The following CIMIP6 variants were observed in gnomAD, a reference collection of about 807,000 sequenced individuals.
The protein encoded by CIMIP6 is ciliary microtubule inner protein 6.
the CIMIP6 span, among the ~76,000 whole-genome samples, chr2:54,344,258 T>C: frequency 1.3e-5 from 2 of 152,172 alleles, no homozygotes; most frequent in Non-Finnish European, 1.5e-5. Flanking sequence ...AGAAAGATAA[T>C]AAAGTTTCCA....
At chr2:54,348,852 A>G in the CIMIP6 span, among the ~76,000 whole-genome samples, 1 of 152,184 alleles carries the variant, frequency 6.6e-6, no homozygotes, top group Admixed American at 6.5e-5. Flanking sequence ...CATTTCAGCA[A>G]TGTTATCTTG....
chr2:54,356,680 T>C, the CIMIP6 span, among the ~76,000 whole-genome samples: 1 of 152,202 alleles, frequency 6.6e-6, no homozygotes, highest in Non-Finnish European at 1.5e-5. Flanking sequence ...ACACTGCCCT[T>C]AATTTTCACA....
the CIMIP6 span, among the ~76,000 whole-genome samples, chr2:54,366,744 A>G: frequency 6.6e-6 from 1 of 151,654 alleles, no homozygotes; most frequent in South Asian, 2.1e-4. Flanking sequence ...AAAAATACTG[A>G]AAGTAATAAT....
At chr2:54,359,176 A>T in the CIMIP6 span, 1 of 705,044 alleles carries the variant, frequency 1.4e-6, no homozygotes, top group Non-Finnish European at 2.4e-6. Context: ...ATTTAAACAA[A>T]CTACTTCAGT....
the CIMIP6 span, chr2:54,330,885 C>A: frequency 2.2e-5 from 28 of 1,297,666 alleles, no homozygotes; most frequent in Admixed American, 4.8e-4. Context: ...GCGCGAGTCA[C>A]AGTCGCCGCG....
At chr2:54,335,151 T>G in the CIMIP6 span, 4 of 703,324 alleles carry the variant, frequency 5.7e-6, no homozygotes, top group Non-Finnish European at 2.3e-6. Context: ...ATCCAATAGT[T>G]AAAAGCAGTA....
chr2:54,379,258 C>T, the CIMIP6 span, among the ~76,000 whole-genome samples: 1 of 152,338 alleles, frequency 6.6e-6, no homozygotes, highest in African/African-American at 2.4e-5. Context: ...CTGCCCCTAA[C>T]AATGCCTCCT....
chr2:54,346,833 G>A, the CIMIP6 span, among the ~76,000 whole-genome samples: 1 of 152,164 alleles, frequency 6.6e-6, no homozygotes, highest in East Asian at 1.9e-4. Context: ...AAACACATGT[G>A]ATATTCTCCT....
chr2:54,356,213 C>T, the CIMIP6 span, among the ~76,000 whole-genome samples: 1 of 151,174 alleles, frequency 6.6e-6, no homozygotes, highest in Admixed American at 6.6e-5. Context: ...CCAGCATTGA[C>T]GGTTGCTGGG....
At chr2:54,373,826 C>G in the CIMIP6 span, among the ~76,000 whole-genome samples, 1 of 152,190 alleles carries the variant, frequency 6.6e-6, no homozygotes, top group Non-Finnish European at 1.5e-5. Flanking sequence ...TGTGCTGCTT[C>G]CAGCCCTCCC....
the CIMIP6 span, chr2:54,334,927 G>A: frequency 6.3e-7 from 1 of 1,593,300 alleles, no homozygotes; most frequent in Non-Finnish European, 8.6e-7. Context: ...CATGTTGGAA[G>A]AGGACGTATA....
At chr2:54,359,753 C>T in the CIMIP6 span, among the ~76,000 whole-genome samples, 1 of 152,068 alleles carries the variant, frequency 6.6e-6, no homozygotes, top group Admixed American at 6.5e-5. Flanking sequence ...TTTTTTCCAA[C>T]TATAGATGTT....
At chr2:54,355,797 AC>A in the CIMIP6 span, among the ~76,000 whole-genome samples, 1 of 152,224 alleles carries the variant, frequency 6.6e-6, no homozygotes, top group South Asian at 2.1e-4. Context: ...GTTCGTATTA[AC>A]AATACTTTGT....
the CIMIP6 span, among the ~76,000 whole-genome samples, chr2:54,374,708 TC>T: frequency 8.2e-4 from 125 of 152,346 alleles, 1 homozygote; most frequent in Middle Eastern, 0.037. Flanking sequence ...TTAACAGATT[TC>T]TAATTCTCTT....
chr2:54,370,968 CCTT>C, the CIMIP6 span, among the ~76,000 whole-genome samples: 1 of 152,174 alleles, frequency 6.6e-6, no homozygotes, highest in Non-Finnish European at 1.5e-5. Context: ...TCTGGTTGCT[CCTT>C]GTTTTCTGAA....
At chr2:54,331,056 T>C in the CIMIP6 span, 1 of 1,568,866 alleles carries the variant, frequency 6.4e-7, no homozygotes, top group Non-Finnish European at 8.8e-7. Context: ...TTTTCCTCCT[T>C]CAGGGGGAGG....
At chr2:54,380,165 A>C in the CIMIP6 span, among the ~76,000 whole-genome samples, 1 of 152,094 alleles carries the variant, frequency 6.6e-6, no homozygotes, top group African/African-American at 2.4e-5. Context: ...ATAAAAAAGA[A>C]GGAAGGAAAA....
chr2:54,342,090 C>T, the CIMIP6 span, among the ~76,000 whole-genome samples: 9 of 152,284 alleles, frequency 5.9e-5, no homozygotes, highest in East Asian at 1.7e-3. Flanking sequence ...GAAATTACCC[C>T]AGTTACAATT....
the CIMIP6 span, among the ~76,000 whole-genome samples, chr2:54,347,550 C>T: frequency 6.6e-6 from 1 of 152,138 alleles, no homozygotes; most frequent in African/African-American, 2.4e-5. Flanking sequence ...TTCAGCTACT[C>T]AAGTTGAAGG....
Sources: allele counts gnomAD v4.1 joint callset (sites outside exome capture counted in the v4.1 genomes callset), GRCh38; gene constraint gnomAD v4.1.1; transcripts MANE v1.5; gene names NCBI Gene and HGNC (gene_info 2026-07-23, HGNC 2026-07-21).